The following RTN4R variants were observed in gnomAD, a reference collection of about 807,000 sequenced individuals.
RTN4R encodes reticulon 4 receptor, also known as reticulon-4 receptor.
RTN4R carries 4 observed loss-of-function variants against 27.7 expected under a neutral mutation model. That is an observed-to-expected ratio of 0.14 (90% CI 0.07 to 0.33). The LOEUF (loss-of-function observed/expected upper bound fraction) is 0.33, where lower values mean the gene tolerates loss of function less well. Among genes scored for constraint, RTN4R ranks in the 10% least tolerant of loss-of-function variants. RTN4R has a pLI of 1.00. For synonymous variants in RTN4R, 290 were observed against 305.6 expected (o/e 0.95, Z 0.53); for missense variants, 554 against 671.5 (o/e 0.83, Z 1.93).
intron 1 of RTN4R, among the ~76,000 whole-genome samples, chr22:20,254,918 AC>A (rs2145980173): frequency 6.6e-6 from 1 of 152,306 alleles, no homozygotes; most frequent in African/African-American, 2.4e-5. Flanking sequence ...AAGGAAGGTC[AC>A]CCATCCCACG....
At chr22:20,263,503 C>T (rs921201012) in intron 1 of RTN4R, among the ~76,000 whole-genome samples, 16 of 152,258 alleles carry the variant, frequency 1.1e-4, no homozygotes, top group Non-Finnish European at 1.5e-4. Flanking sequence ...CTCCATGGAC[C>T]GTGACCCGTG....
At chr22:20,245,140 C>G (rs9618759) in intron 1 of RTN4R, among the ~76,000 whole-genome samples, 3,657 of 152,246 alleles carry the variant, frequency 0.024, 154 homozygotes, top group African/African-American at 0.083. Context: ...CTGAGCCACA[C>G]GGTGGTGCGG....
At chr22:20,266,708 G>A (rs2051278974) in intron 1 of RTN4R, among the ~76,000 whole-genome samples, 2 of 152,158 alleles carry the variant, frequency 1.3e-5, no homozygotes, top group South Asian at 2.1e-4. Flanking sequence ...GGGCTTTGCG[G>A]TATTCAACGA....
chr22:20,251,849 T>G (rs967822923), intron 1 of RTN4R, among the ~76,000 whole-genome samples: 2 of 131,316 alleles, frequency 1.5e-5, no homozygotes, highest in Non-Finnish European at 3.3e-5. Flanking sequence ...ACCATCCTCA[T>G]CACCCTCACC....
chr22:20,253,635 T>A (rs1056893007), intron 1 of RTN4R, among the ~76,000 whole-genome samples: 3 of 151,936 alleles, frequency 2.0e-5, no homozygotes, highest in African/African-American at 7.3e-5. Context: ...CCACCAGGCA[T>A]CCGGAAAACA....
At chr22:20,248,014 G>A (rs991123383) in intron 1 of RTN4R, among the ~76,000 whole-genome samples, 1 of 152,240 alleles carries the variant, frequency 6.6e-6, no homozygotes. Context: ...ACGAGATGTA[G>A]GTAGGTCCAG....
intron 1 of RTN4R, among the ~76,000 whole-genome samples, chr22:20,248,198 T>A (rs190937701): frequency 3.6e-4 from 55 of 152,336 alleles, no homozygotes; most frequent in Admixed American, 7.2e-4. Flanking sequence ...ACAAGAAACA[T>A]GCCTAAAAGT....
intron 1 of RTN4R, among the ~76,000 whole-genome samples, chr22:20,265,540 G>A (rs1226225996): frequency 6.6e-6 from 1 of 152,216 alleles, no homozygotes; most frequent in Admixed American, 6.5e-5. Flanking sequence ...CTGGCACGGG[G>A]AAACTGAGGC....
At chr22:20,252,828 T>A (rs2051192038) in intron 1 of RTN4R, among the ~76,000 whole-genome samples, 1 of 151,308 alleles carries the variant, frequency 6.6e-6, no homozygotes, top group Non-Finnish European at 1.5e-5. Context: ...CCTCACAGAG[T>A]AGGCAGAGAA....
At chr22:20,259,671 C>T (rs1216856312) in intron 1 of RTN4R, among the ~76,000 whole-genome samples, 1 of 152,218 alleles carries the variant, frequency 6.6e-6, no homozygotes. Flanking sequence ...TGTTAGGGGA[C>T]ACTGGAGCCT....
At chr22:20,258,275 C>T (rs1182752235) in intron 1 of RTN4R, among the ~76,000 whole-genome samples, 1 of 152,192 alleles carries the variant, frequency 6.6e-6, no homozygotes, top group East Asian at 1.9e-4. Context: ...AATGCCCTGC[C>T]CTATTCCCAG....
At chr22:20,262,969 C>A (rs149725685) in intron 1 of RTN4R, among the ~76,000 whole-genome samples, 1 of 152,302 alleles carries the variant, frequency 6.6e-6, no homozygotes, top group Non-Finnish European at 1.5e-5. Flanking sequence ...AGGTGAGGGG[C>A]CTGGAGCCCA....
At chr22:20,262,367 T>G (rs975320631) in intron 1 of RTN4R, among the ~76,000 whole-genome samples, 5 of 152,124 alleles carry the variant, frequency 3.3e-5, no homozygotes, top group Non-Finnish European at 5.9e-5. Context: ...ATTCCCTCAC[T>G]TGCCGGGACC....
At chr22:20,262,823 C>T (rs570393654) in intron 1 of RTN4R, among the ~76,000 whole-genome samples, 2 of 152,368 alleles carry the variant, frequency 1.3e-5, no homozygotes, top group African/African-American at 4.8e-5. Context: ...GCTGCCCAGC[C>T]TTGGGGAATG....
At chr22:20,244,884 A>G (rs2051130869) in intron 1 of RTN4R, among the ~76,000 whole-genome samples, 1 of 151,942 alleles carries the variant, frequency 6.6e-6, no homozygotes, top group Non-Finnish European at 1.5e-5. Context: ...GTCACCAACC[A>G]TACCATGCGG....
chr22:20,242,017 G>A lies in RTN4R; in HGVS notation c.1116C>T (p.Asn372=), dbSNP rs144464748. 198 of 1,611,460 alleles carry A rather than the reference G, an allele frequency of 1.2e-4. No homozygotes were observed. The African/African-American group carries it at 1.3e-3, about 10-fold the overall frequency. The part of the protein sequence containing the change: ...RVPPGDSPPG[N]GSGPRHINDS... ...CATTGATGTGCCGTGGGCCAGAGCC[G>A]TTGCCCGGCGGGCTGTCACCGGGCG... is the stretch of plus-strand genomic sequence containing the variant. Residue 372 remains asparagine, a synonymous_variant, in exon 2 of 2, where the codon AAC becomes AAT. Coordinates refer to ENST00000043402, the MANE Select transcript of RTN4R (RefSeq NM_023004.6).
intron 1 of RTN4R, among the ~76,000 whole-genome samples, chr22:20,262,855 G>A (rs2051255753): frequency 6.6e-6 from 1 of 152,224 alleles, no homozygotes; most frequent in Admixed American, 6.5e-5. Flanking sequence ...GCATGTCCCC[G>A]AGCTGGGCCC....
At chr22:20,247,677 G>A (rs696880) in intron 1 of RTN4R, among the ~76,000 whole-genome samples, 92,888 of 151,852 alleles carry the variant, frequency 0.61, 28,862 homozygotes, top group African/African-American at 0.69. Context: ...GGGGTCCTGA[G>A]TCTCCTAGGG....
Position 20,242,235 on chromosome 22 carries a change from G to A in RTN4R, c.898C>T (p.Arg300Cys), listed in dbSNP as rs910474452. The part of the protein sequence containing the change: ...PQRLAGRDLK[R>C]LAANDLQGCA... ...CCCTGCAGGTCATTGGCAGCTAGGC[G>A]TTTGAGGTCACGGCCAGCCAGGCGT... The change falls in exon 2 of 2, where the codon CGC becomes TGC. Residue 300 changes from arginine to cysteine, a missense_variant. Arg to Cys is a radical substitution (Grantham distance 180, BLOSUM62 -3). Around this residue, in one of 2 missense-constraint regions of RTN4R, gnomAD observed 413 missense variants for 542.3 expected, o/e 0.76. Transcript: ENST00000043402. The A allele has an allele frequency of 1.5e-5, 24 of 1,603,558 alleles. No homozygotes were observed. Among genetic ancestry groups the A allele is most frequent in the Non-Finnish European group, 1.9e-5 (22 of 1,175,992 alleles).
Sources: allele counts gnomAD v4.1 joint callset (sites outside exome capture counted in the v4.1 genomes callset), GRCh38; gene constraint gnomAD v4.1.1; regional missense constraint gnomAD v4.1.1; transcripts MANE v1.5; gene names NCBI Gene and HGNC (gene_info 2026-07-23, HGNC 2026-07-21).